NAAA: variants seen among roughly 807,000 people sequenced by gnomAD.
NAAA encodes N-acylethanolamine acid amidase.
Under a neutral mutation model 44.8 loss-of-function variants are expected in NAAA, and 39 were observed. The ratio of observed to expected loss-of-function variants is 0.87; its 90% confidence interval spans 0.67 to 1.14. The LOEUF is 1.14. NAAA is among the 50% of genes most tolerant of loss of function. The probability of loss-of-function intolerance (pLI) is 0.00; values close to 1 mark genes in which losing one functional copy is unlikely to be tolerated. For synonymous variants in NAAA, 178 were observed against 191.3 expected, an observed-to-expected ratio of 0.93 and a Z score of 0.58; for missense variants, 460 against 467.8, an observed-to-expected ratio of 0.98 and a Z score of 0.15.
At position 75,914,444 on chromosome 4, in the gene NAAA, A is replaced by G. The variant is rs1276882274; in HGVS notation, c.*37-106T>C. The G allele has an allele frequency of 2.1e-5, 8 of 387,938 alleles. No individual in the cohort carries two copies. The East Asian group carries it at 1.1e-3, about 54-fold the overall frequency. 24.0% of individuals were successfully genotyped at this position (387,938 alleles called of 1,614,324 possible). A position where few individuals can be genotyped will look rare whatever the true frequency, so the allele number is the denominator to read the frequency against. On this transcript the variant is annotated intron_variant, in intron 10 of 10. Transcript: ENST00000286733. The stretch of plus-strand genomic sequence containing the variant: ...GGCTGGAGTGCAGTGGTGTGATCTC[A>G]GCTCACTACAAACTCCACCTCCCGA...
intron 4 of NAAA, 125 bp downstream of exon 4, chr4:75,931,089 C>A: frequency 1.5e-6 from 1 of 685,254 alleles, no homozygotes; most frequent in Non-Finnish European, 2.5e-6. Flanking sequence ...ACTTTCTCCC[C>A]CTAGGATGGA....
At chr4:75,914,378 AT>A (rs112092179) in intron 10 of NAAA, 40 bp from the exon 11 acceptor site, 169,135 of 699,370 alleles carry the variant, frequency 0.24, 68 homozygotes, top group Non-Finnish European at 0.27. Context: ...TCAAAGACTG[AT>A]TTTTTTTTTT....
At chr4:75,932,846 G>A (rs368324573) in intron 3 of NAAA, among the ~76,000 whole-genome samples, 2 of 150,284 alleles carry the variant, frequency 1.3e-5, no homozygotes, top group African/African-American at 4.9e-5. Context: ...TTTCAAAGAA[G>A]TACTTTGGCA....
At chr4:75,940,295 C>T in intron 1 of NAAA, 130 bp from the exon 2 acceptor site, 1 of 1,009,122 alleles carries the variant, frequency 9.9e-7, no homozygotes, top group Non-Finnish European at 1.4e-6. Flanking sequence ...AGTCAGTGGA[C>T]CGCCCAGGCG....
At chr4:75,913,125 T>C (rs1725396452), downstream of NAAA, among the ~76,000 whole-genome samples, 1 of 150,984 alleles carries the variant, frequency 6.6e-6, no homozygotes, top group African/African-American at 2.5e-5. Flanking sequence ...TGCTTTATCT[T>C]ATGTAAAATG....
At chr4:75,916,094 T>C (rs1052296099) in intron 9 of NAAA, among the ~76,000 whole-genome samples, 1 of 152,226 alleles carries the variant, frequency 6.6e-6, no homozygotes, top group African/African-American at 2.4e-5. Context: ...CTGCTCTCCA[T>C]TACTGTTTTA....
At chr4:75,910,943 T>C (rs148001249), downstream of NAAA, among the ~76,000 whole-genome samples, 7 of 152,290 alleles carry the variant, frequency 4.6e-5, no homozygotes, top group African/African-American at 1.4e-4. Flanking sequence ...TTAGTTCTTA[T>C]AGGTTTGGGA....
chr4:75,924,553 T>C (rs1424122725), intron 5 of NAAA, among the ~76,000 whole-genome samples: 2 of 152,230 alleles, frequency 1.3e-5, no homozygotes, highest in Non-Finnish European at 2.9e-5. Context: ...TTTTAATAGG[T>C]TCTTGTAGAG....
At chr4:75,925,340 C>A (rs1031165936) in intron 5 of NAAA, among the ~76,000 whole-genome samples, 1 of 152,134 alleles carries the variant, frequency 6.6e-6, no homozygotes, top group Non-Finnish European at 1.5e-5. Flanking sequence ...CTGCCTGGAG[C>A]ATAACTTCTA....
At position 75,920,877 on chromosome 4, in the gene NAAA, A is replaced by G. The variant is rs1357464686; in HGVS notation, c.839+74T>C. The G allele has an allele frequency of 2.5e-6, 4 of 1,613,016 alleles. No homozygotes were observed. The African/African-American group carries it at 5.3e-5, about 22-fold the overall frequency. On this transcript the variant is annotated intron_variant, in intron 6 of 10. Transcript: ENST00000286733. ...AGAGGAGACATATGAACAAATTTAAAATACCCCTCATTTCACCGATTAAAA... is the reference window on the plus strand; with the variant it reads ...AGAGGAGACATATGAACAAATTTAAGATACCCCTCATTTCACCGATTAAAA...
At chr4:75,931,397 CT>C in intron 3 of NAAA, 93 bp from the exon 4 acceptor site, 1 of 901,118 alleles carries the variant, frequency 1.1e-6, no homozygotes, top group Non-Finnish European at 1.7e-6. Flanking sequence ...GATTTTTTTT[CT>C]TATAAATTCC....
intron 3 of NAAA, 52 bp from the exon 4 acceptor site, chr4:75,931,356 G>T (rs774997219): frequency 1.5e-6 from 2 of 1,353,710 alleles, no homozygotes; most frequent in Non-Finnish European, 2.1e-6. Flanking sequence ...CAAATACACT[G>T]AAATCACCTG....
chr4:75,925,862 CATGAA>C, intron 4 of NAAA, 51 bp from the exon 5 acceptor site: 2 of 1,517,010 alleles, frequency 1.3e-6, no homozygotes, highest in Non-Finnish European at 1.8e-6. Context: ...TATGTACACA[CATGAA>C]ACAGATATGT....
chr4:75,913,871 C>A lies in NAAA; in HGVS notation c.*504G>T. 1 of 985,250 alleles carries A rather than the reference C, an allele frequency of 1.0e-6. No homozygotes were observed. Among genetic ancestry groups the A allele is most frequent in the South Asian group, 4.7e-5 (1 of 21,270 alleles). The allele number at this position is 985,250 out of a possible 1,614,324, so 61.0% of individuals were successfully genotyped here. ...CTCCCATTACATGGAAACACATGAT[C>A]AAAGATCAGACTAACACACATTCAA... On this transcript the variant is annotated 3_prime_UTR_variant, in exon 11 of 11. Transcript: ENST00000286733.
At chr4:75,917,722 T>A (rs1221688004) in intron 9 of NAAA, 2 of 363,650 alleles carry the variant, frequency 5.5e-6, no homozygotes, top group Non-Finnish European at 1.1e-5. Flanking sequence ...CGCCTTGGCC[T>A]CCCAAAGGGC....
downstream of NAAA, chr4:75,911,206 T>C: frequency 6.8e-6 from 3 of 439,854 alleles, no homozygotes; most frequent in Non-Finnish European, 1.4e-5. Context: ...ATGTCATCAG[T>C]TAAGGCAGGA....
In NAAA at chr4:75,914,187, C is replaced by T. The variant is rs2149238956; in HGVS notation, c.*188G>A. 1 of 985,754 alleles carries T rather than the reference C, an allele frequency of 1.0e-6. No homozygotes were observed. Among genetic ancestry groups the T allele is most frequent in the African/African-American group, 1.7e-5 (1 of 57,304 alleles). 61.1% of individuals were successfully genotyped at this position (985,754 alleles called of 1,614,324 possible). ...AGGACAATGCCCATTACTGGCTTTA[C>T]CACAAACTCCAAATCTCCTGGACCC... is the stretch of plus-strand genomic sequence containing the variant. On this transcript the variant is annotated 3_prime_UTR_variant, in exon 11 of 11. Coordinates refer to ENST00000286733, the MANE Select transcript of NAAA (RefSeq NM_014435.4).
chr4:75,920,994 C>G lies in NAAA; in HGVS notation c.796G>C (p.Asp266His). ...AGAGGCCAAATGTCTGCTGGGCCAT[C>G]TCTGTTCCTCGTGATGACCACCCCC... ...REGVVITRNRDGPADIWPLDP... is the reference protein window; with the variant it reads ...REGVVITRNRHGPADIWPLDP... The change falls in exon 6 of 11, where the codon GAT becomes CAT. Residue 266 changes from aspartate to histidine, a missense_variant. Asp to His is a moderately conservative substitution (Grantham distance 81, BLOSUM62 -1). Coordinates refer to ENST00000286733, the MANE Select transcript of NAAA (RefSeq NM_014435.4). 1.2e-6 allele frequency: 2 copies of G among 1,612,470 alleles called. No homozygotes were observed. The highest frequency in any genetic ancestry group is 1.7e-6 in the Non-Finnish European group (2 of 1,179,668).
chr4:75,940,390 G>C, intron 1 of NAAA: 3 of 589,064 alleles, frequency 5.1e-6, no homozygotes, highest in Non-Finnish European at 8.9e-6. Flanking sequence ...CGAATGGGGA[G>C]GGCGAGTGAG....
Sources: allele counts gnomAD v4.1 joint callset (sites outside exome capture counted in the v4.1 genomes callset), GRCh38; gene constraint gnomAD v4.1.1; transcripts MANE v1.5; gene names NCBI Gene and HGNC (gene_info 2026-07-23, HGNC 2026-07-21).